The following PI4KA variants were observed in gnomAD, a reference collection of about 807,000 sequenced individuals.
PI4KA encodes the protein PI4-kinase alpha.
In PI4KA, 122 loss-of-function variants were observed where a neutral mutation model predicts 271.4. That is an observed-to-expected ratio of 0.45 (90% CI 0.39 to 0.52). The LOEUF (loss-of-function observed/expected upper bound fraction) is 0.52, where lower values mean the gene tolerates loss of function less well. Ranked by LOEUF, PI4KA falls within the 20% of genes least tolerant of loss-of-function variation. The pLI, the probability that PI4KA is intolerant of heterozygous loss-of-function variation, is 0.00. For missense variants in PI4KA, 1,969 were observed against 2,769.1 expected (o/e 0.71, Z 6.48); for synonymous variants, 1,041 against 1,078.8 (o/e 0.96, Z 0.69).
At chr22:20,772,148 C>T (rs757617073) in intron 19 of PI4KA, among the ~76,000 whole-genome samples, 2 of 152,168 alleles carry the variant, frequency 1.3e-5, no homozygotes, top group African/African-American at 2.4e-5. Context: ...TCACAACAAC[C>T]TCATGCAGTA....
At position 20,714,708 on chromosome 22, in the gene PI4KA, G is replaced by A. The variant is rs759555480; in HGVS notation, c.5318-8C>T. Reference sequence around the variant, plus strand: ...TGCTGGGCAGGTAGCAGCCTGTGCAGGGACAGAGGCAGTCACAGGGAGTGC... The same window carrying A: ...TGCTGGGCAGGTAGCAGCCTGTGCAAGGACAGAGGCAGTCACAGGGAGTGC... On this transcript the variant is annotated splice_polypyrimidine_tract_variant and splice_region_variant and intron_variant, in intron 45 of 54. Transcript: ENST00000255882. The A allele has an allele frequency of 2.7e-5, 44 of 1,613,244 alleles. No homozygotes were observed. In the Admixed American group the frequency reaches 6.5e-4, roughly 24 times the overall value.
chr22:20,858,320 C>T (rs1423537158), intron 1 of PI4KA, among the ~76,000 whole-genome samples: 1 of 152,060 alleles, frequency 6.6e-6, no homozygotes, highest in African/African-American at 2.4e-5. Context: ...CCCCCACCCC[C>T]ATCCCACAAC....
chr22:20,830,861 T>C lies in PI4KA; in HGVS notation c.367+3701A>G, dbSNP rs551535679. On this transcript the variant is annotated intron_variant, in intron 3 of 54. Coordinates refer to ENST00000255882, the MANE Select transcript of PI4KA (RefSeq NM_058004.4). ...ACTGTGGCTCACTGTAACCTCCACC[T>C]CCTGGGTTCAAGTGATTCTCCTGCC... Among the ~76,000 whole-genome samples, 67 of 152,216 alleles carry C rather than the reference T, an allele frequency of 4.4e-4. No individual in the cohort carries two copies. In the Middle Eastern group the frequency reaches 0.014, roughly 31 times the overall value.
At chr22:20,846,196 A>C (rs1338740809) in intron 1 of PI4KA, among the ~76,000 whole-genome samples, 3 of 147,494 alleles carry the variant, frequency 2.0e-5, no homozygotes. Flanking sequence ...CCCGGGAGGC[A>C]GAGCTTGCAG....
At chr22:20,847,959 C>G (rs1475970883) in intron 1 of PI4KA, among the ~76,000 whole-genome samples, 1 of 151,830 alleles carries the variant, frequency 6.6e-6, no homozygotes. Context: ...CAATACAGGC[C>G]GAGCACAGTG....
At chr22:20,726,005 T>C (rs1927302912) in intron 42 of PI4KA, among the ~76,000 whole-genome samples, 2 of 151,312 alleles carry the variant, frequency 1.3e-5, no homozygotes, top group Non-Finnish European at 2.9e-5. Context: ...AGAATTCATG[T>C]TTTTTGTTTG....
At position 20,832,052 on chromosome 22, in the gene PI4KA, G is replaced by A. The variant is rs1289465595; in HGVS notation, c.367+2510C>T. ...ATTTTTGTCTGAGTTATTTTGGAGA[G>A]CTGGTCTTTGAGCTCTGGGATTCTT... On this transcript the variant is annotated intron_variant, in intron 3 of 54. Transcript: ENST00000255882. Among the ~76,000 whole-genome samples, 4 of 151,438 alleles carry A rather than the reference G, an allele frequency of 2.6e-5. No individual in the cohort carries two copies. In the South Asian group the frequency reaches 6.2e-4, roughly 24 times the overall value.
intron 2 of PI4KA, among the ~76,000 whole-genome samples, chr22:20,836,904 T>A (rs1924931364): frequency 6.6e-6 from 1 of 152,242 alleles, no homozygotes; most frequent in Non-Finnish European, 1.5e-5. Flanking sequence ...TACAACACTT[T>A]CAGGACTTAC....
chr22:20,783,904 C>A, intron 19 of PI4KA: 1 of 1,606,716 alleles, frequency 6.2e-7, no homozygotes, highest in East Asian at 2.2e-5. Context: ...ATCAGATTCA[C>A]TCTCAAGGGT....
At chr22:20,841,503 G>A (rs1400941338) in intron 1 of PI4KA, among the ~76,000 whole-genome samples, 1 of 152,110 alleles carries the variant, frequency 6.6e-6, no homozygotes, top group Admixed American at 6.6e-5. Flanking sequence ...TGACCATTCA[G>A]AAATTACTTT....
intron 23 of PI4KA, among the ~76,000 whole-genome samples, chr22:20,756,922 C>T (rs1027648706): frequency 7.2e-5 from 11 of 152,244 alleles, no homozygotes; most frequent in Non-Finnish European, 1.3e-4. Flanking sequence ...AGCTACCACA[C>T]CCGGCCCTAA....
At chr22:20,718,373 T>A (rs960770200) in intron 44 of PI4KA, among the ~76,000 whole-genome samples, 1 of 152,202 alleles carries the variant, frequency 6.6e-6, no homozygotes, top group African/African-American at 2.4e-5. Context: ...CTTCAAAGTG[T>A]GGAGAGGGCA....
intron 17 of PI4KA, among the ~76,000 whole-genome samples, chr22:20,797,285 A>G (rs1045934535): frequency 1.3e-5 from 2 of 152,236 alleles, no homozygotes; most frequent in Non-Finnish European, 2.9e-5. Flanking sequence ...AAGCTGAGCC[A>G]GAACTGAAGA....
rs535389469 is a variant in PI4KA at position 20,734,702 on chromosome 22, T to C, written c.3742-149A>G. Reference sequence around the variant, plus strand: ...TGAAGAAAAAAATGAAGATCGCCTATAGTCCCACATCCCAGGGTCATCTGT... The same window carrying C: ...TGAAGAAAAAAATGAAGATCGCCTACAGTCCCACATCCCAGGGTCATCTGT... On this transcript the variant is annotated intron_variant, in intron 32 of 54. Coordinates refer to ENST00000255882, the MANE Select transcript of PI4KA (RefSeq NM_058004.4). 6,039 of 830,874 alleles carry C rather than the reference T, an allele frequency of 7.3e-3. 239 individuals carry two copies. The African/African-American group carries it at 0.093, about 13-fold the overall frequency. 51.5% of individuals were successfully genotyped at this position (830,874 alleles called of 1,614,324 possible).
intron 10 of PI4KA, among the ~76,000 whole-genome samples, chr22:20,805,805 G>C (rs178046): frequency 0.49 from 72,073 of 148,058 alleles, 18,076 homozygotes; most frequent in African/African-American, 0.59. Flanking sequence ...GCATTCCAGC[G>C]TGGGCGACAG....
In PI4KA at chr22:20,721,315, T is replaced by G; in HGVS notation, c.5099A>C (p.Glu1700Ala). 6.2e-7 allele frequency: 1 copy of G among 1,613,980 alleles called. No homozygotes were observed. The highest frequency in any genetic ancestry group is 1.1e-5 in the South Asian group (1 of 91,068). ...NMKTNIYLDEEGHQKDPDIGD... is the reference protein window; with the variant it reads ...NMKTNIYLDEAGHQKDPDIGD... The stretch of plus-strand genomic sequence containing the variant: ...ATACTCACGGTCTTTCTGGTGGCCC[T>G]CTTCATCTAGATAAATGTTAGTCTT... The change falls in exon 43 of 55, where the codon GAG becomes GCG. Residue 1700 changes from glutamate to alanine, a missense_variant. By Grantham distance (107) the Glu-to-Ala change is moderately radical (BLOSUM62 -1). Coordinates refer to ENST00000255882, the MANE Select transcript of PI4KA (RefSeq NM_058004.4).
At chr22:20,713,025 G>A (rs1280935409) in intron 48 of PI4KA, 1 of 622,196 alleles carries the variant, frequency 1.6e-6, no homozygotes, top group East Asian at 2.8e-5. Flanking sequence ...GTCTGGTGGG[G>A]TGTGTGAGAT....
intron 19 of PI4KA, among the ~76,000 whole-genome samples, chr22:20,783,297 G>A (rs1040035572): frequency 2.0e-5 from 3 of 151,914 alleles, no homozygotes; most frequent in Admixed American, 6.6e-5. Flanking sequence ...AGGGATGAAG[G>A]CCATCAAGAC....
chr22:20,847,036 C>A, intron 1 of PI4KA, among the ~76,000 whole-genome samples: 1 of 150,996 alleles, frequency 6.6e-6, no homozygotes. Context: ...TAATCCCAGC[C>A]ACTCAGAAGG....
Sources: allele counts gnomAD v4.1 joint callset (sites outside exome capture counted in the v4.1 genomes callset), GRCh38; gene constraint gnomAD v4.1.1; transcripts MANE v1.5; gene names NCBI Gene and HGNC (gene_info 2026-07-23, HGNC 2026-07-21).